CSMD1: variants seen among roughly 807,000 people sequenced by gnomAD.
CSMD1 encodes the protein CUB and sushi domain-containing protein 1.
CSMD1 carries 213 observed loss-of-function variants against 417.5 expected under a neutral mutation model. The ratio of observed to expected loss-of-function variants is 0.51; its 90% CI spans 0.46 to 0.57. CSMD1 has a LOEUF of 0.57. Ranked by LOEUF, CSMD1 falls within the 20% of genes least tolerant of loss-of-function variation. The probability of loss-of-function intolerance (pLI) is 0.00; values close to 1 mark genes in which losing one functional copy is unlikely to be tolerated. For synonymous variants in CSMD1, 2,862 were observed against 1,736.8 expected (o/e 1.65, Z -16.11); for missense variants, 6,923 against 4,529.7 (o/e 1.53, Z -15.17).
intron 3 of CSMD1, among the ~76,000 whole-genome samples, chr8:4,305,873 C>A (rs1349184864): frequency 6.6e-6 from 1 of 152,184 alleles, no homozygotes; most frequent in Admixed American, 6.5e-5. Context: ...TCTTTGCTTA[C>A]GTGTGTATAT....
chr8:3,270,632 C>T (rs918221466), intron 26 of CSMD1, among the ~76,000 whole-genome samples: 1 of 152,088 alleles, frequency 6.6e-6, no homozygotes, highest in Non-Finnish European at 1.5e-5. Flanking sequence ...ATAATGTGTT[C>T]TTTACTCATC....
At chr8:3,102,202 T>G (rs1191215391) in intron 46 of CSMD1, among the ~76,000 whole-genome samples, 1 of 152,180 alleles carries the variant, frequency 6.6e-6, no homozygotes, top group Non-Finnish European at 1.5e-5. Flanking sequence ...CACAATCGAA[T>G]CAATCAAATA....
chr8:4,850,207 G>A (rs1051360828), intron 1 of CSMD1, among the ~76,000 whole-genome samples: 8 of 151,758 alleles, frequency 5.3e-5, no homozygotes, highest in South Asian at 4.2e-4. Context: ...TTTTTAACTG[G>A]GTTATCTGTC....
intron 5 of CSMD1, among the ~76,000 whole-genome samples, chr8:3,994,307 G>C (rs1007289932): frequency 1.3e-5 from 2 of 151,998 alleles, no homozygotes; most frequent in Non-Finnish European, 2.9e-5. Flanking sequence ...TCCCAGCCAA[G>C]ACTATACAAC....
At chr8:4,832,596 C>T (rs1225169876) in intron 1 of CSMD1, among the ~76,000 whole-genome samples, 2 of 152,138 alleles carry the variant, frequency 1.3e-5, no homozygotes, top group Non-Finnish European at 2.9e-5. Context: ...AAAATTATTA[C>T]TAGCTGACAC....
intron 36 of CSMD1, among the ~76,000 whole-genome samples, chr8:3,181,655 G>A (rs974693555): frequency 1.2e-4 from 19 of 152,114 alleles, no homozygotes; most frequent in Non-Finnish European, 2.5e-4. Context: ...TTTTGACCCT[G>A]TATATATGCT....
At chr8:3,087,867 G>A (rs764230035) in intron 48 of CSMD1, among the ~76,000 whole-genome samples, 1 of 152,206 alleles carries the variant, frequency 6.6e-6, no homozygotes, top group East Asian at 1.9e-4. Flanking sequence ...TACTGCACAA[G>A]ACATCATATT....
chr8:3,993,506 C>A (rs1196208377), intron 5 of CSMD1, among the ~76,000 whole-genome samples: 1 of 152,188 alleles, frequency 6.6e-6, no homozygotes, highest in African/African-American at 2.4e-5. Flanking sequence ...TTAACTTTAG[C>A]CAGTCACCAA....
chr8:3,408,562 T>C (rs1812488552), intron 13 of CSMD1, among the ~76,000 whole-genome samples: 1 of 151,468 alleles, frequency 6.6e-6, no homozygotes, highest in African/African-American at 2.5e-5. Context: ...AATATTAATA[T>C]GGAAAAGTAT....
At position 2,937,513 on chromosome 8, in the gene CSMD1, G is replaced by A. The variant is rs973205846; in HGVS notation, c.*1072C>T. ...GTGAGCTAAAACCCACAAGTTCATC[G>A]ACTATCTAAAATAAATTACTATTCA... is the stretch of plus-strand genomic sequence containing the variant. On this transcript the variant is annotated 3_prime_UTR_variant, in exon 70 of 70. Transcript: ENST00000635120. 1.3e-5 allele frequency: 2 copies of A among 150,462 alleles called. No individual in the cohort carries two copies. The highest frequency in any genetic ancestry group is 2.9e-5 in the Non-Finnish European group (2 of 67,826). The allele number at this position is 150,462 out of a possible 1,614,324, so 9.3% of individuals were successfully genotyped here. A position where few individuals can be genotyped will look rare whatever the true frequency, so the allele number is the denominator to read the frequency against.
chr8:3,224,118 T>C (rs1452401990), intron 27 of CSMD1, among the ~76,000 whole-genome samples: 2 of 152,222 alleles, frequency 1.3e-5, no homozygotes, highest in Non-Finnish European at 2.9e-5. Flanking sequence ...ATTTTCAAAC[T>C]TCTGACACAA....
At chr8:4,187,463 G>T (rs926061417) in intron 3 of CSMD1, among the ~76,000 whole-genome samples, 7 of 152,082 alleles carry the variant, frequency 4.6e-5, no homozygotes, top group African/African-American at 1.7e-4. Flanking sequence ...GATCAACATG[G>T]TGAAACCCCG....
At chr8:3,372,249 T>C (rs1255910653) in intron 18 of CSMD1, among the ~76,000 whole-genome samples, 3 of 152,000 alleles carry the variant, frequency 2.0e-5, no homozygotes, top group African/African-American at 7.2e-5. Context: ...AGAGAGAAAG[T>C]GGTTAGGACC....
At chr8:3,047,959 G>A (rs1448450283) in intron 50 of CSMD1, among the ~76,000 whole-genome samples, 2 of 152,194 alleles carry the variant, frequency 1.3e-5, no homozygotes, top group African/African-American at 4.8e-5. Flanking sequence ...CAACTTGACG[G>A]TGATAGACTG....
intron 10 of CSMD1, among the ~76,000 whole-genome samples, chr8:3,536,462 G>T (rs549990292): frequency 9.9e-5 from 15 of 152,270 alleles, no homozygotes; most frequent in African/African-American, 3.1e-4. Flanking sequence ...AGTGAAGTTG[G>T]GCCAGGTTTC....
intron 69 of CSMD1, among the ~76,000 whole-genome samples, chr8:2,939,019 C>G (rs535698704): frequency 6.6e-6 from 1 of 152,308 alleles, no homozygotes; most frequent in Non-Finnish European, 1.5e-5. Flanking sequence ...GGCTGGAGTG[C>G]AGTGGCACGA....
At chr8:3,801,856 C>A (rs908143360) in intron 5 of CSMD1, among the ~76,000 whole-genome samples, 10 of 152,008 alleles carry the variant, frequency 6.6e-5, no homozygotes, top group African/African-American at 2.4e-4. Context: ...TAAAGTAAGT[C>A]AATGAAAAAT....
intron 1 of CSMD1, among the ~76,000 whole-genome samples, chr8:4,746,221 C>T (rs1380745760): frequency 6.6e-6 from 1 of 152,106 alleles, no homozygotes; most frequent in Non-Finnish European, 1.5e-5. Flanking sequence ...CATGGAATCA[C>T]CGAAAACGTA....
intron 6 of CSMD1, among the ~76,000 whole-genome samples, chr8:3,731,069 C>G (rs1415028763): frequency 1.3e-5 from 2 of 152,192 alleles, no homozygotes; most frequent in Non-Finnish European, 2.9e-5. Flanking sequence ...TTTCCTACGT[C>G]CTTATACACT....
Sources: allele counts gnomAD v4.1 joint callset (sites outside exome capture counted in the v4.1 genomes callset), GRCh38; gene constraint gnomAD v4.1.1; transcripts MANE v1.5; gene names NCBI Gene and HGNC (gene_info 2026-07-23, HGNC 2026-07-21).